Variants in PTPRU observed in about 807,000 individuals in gnomAD.
PTPRU encodes receptor-type tyrosine-protein phosphatase U.
A neutral mutation model predicts 166.3 loss-of-function variants in PTPRU; 69 were observed. That is an observed-to-expected ratio of 0.41 (90% CI 0.34 to 0.51). PTPRU has a LOEUF of 0.51. Ranked by LOEUF, PTPRU falls within the 20% of genes least tolerant of loss-of-function variation. The pLI is 0.09. For missense variants in PTPRU, 1,657 were observed against 2,013.7 expected, an observed-to-expected ratio of 0.82 and a Z score of 3.39; for synonymous variants, 793 against 814.0, an observed-to-expected ratio of 0.97 and a Z score of 0.44.
rs1687982683 is a variant in PTPRU at position 29,318,027 on chromosome 1, C to T, written c.3687+106C>T. ...GCTGAAGGCTCTGTTGGGGGGACCCCTGCCCATTCTGGGGAACAGGCCTGT... is the reference window on the plus strand; with the variant it reads ...GCTGAAGGCTCTGTTGGGGGGACCCTTGCCCATTCTGGGGAACAGGCCTGT... On this transcript the variant is annotated intron_variant, in intron 25 of 29. Transcript: ENST00000373779. The T allele has an allele frequency of 1.2e-5, 17 of 1,412,010 alleles. No individual in the cohort carries two copies. The East Asian group carries it at 4.2e-4, about 35-fold the overall frequency. 87.5% of individuals were successfully genotyped at this position (1,412,010 alleles called of 1,614,324 possible).
Position 29,310,572 on chromosome 1 carries a change from T to C in PTPRU, c.2821-172T>C, listed in dbSNP as rs559219334. Among the ~76,000 whole-genome samples the C allele has an allele frequency of 2.0e-5, 3 of 152,226 alleles. No homozygotes were observed. In the East Asian group the frequency reaches 5.8e-4, roughly 29 times the overall value. The stretch of plus-strand genomic sequence containing the variant: ...GTCCCAGCTGTACTTCTCCACTTCC[T>C]TGGGGACCTGGGGGGATGCAAAGTC... On this transcript the variant is annotated intron_variant, in intron 18 of 29. Coordinates refer to ENST00000373779, the MANE Select transcript of PTPRU (RefSeq NM_133178.4).
intron 1 of PTPRU, among the ~76,000 whole-genome samples, chr1:29,249,189 C>CA (rs1491180293): frequency 6.6e-6 from 1 of 152,188 alleles, no homozygotes; most frequent in Non-Finnish European, 1.5e-5. Context: ...TGCACACACT[C>CA]ACACGCACAC....
chr1:29,289,777 C>T, intron 14 of PTPRU: 1 of 1,580,234 alleles, frequency 6.3e-7, no homozygotes, highest in Non-Finnish European at 8.7e-7. Context: ...CTGTCCCCGC[C>T]TTCTCTGGTT....
At chr1:29,256,148 G>A (rs1237444892) in intron 2 of PTPRU, among the ~76,000 whole-genome samples, 2 of 152,172 alleles carry the variant, frequency 1.3e-5, no homozygotes, top group Admixed American at 6.5e-5. Context: ...AGAGGGTCAT[G>A]AGATGATGCA....
Position 29,279,364 on chromosome 1 carries a change from C to T in PTPRU, c.1564-92C>T, listed in dbSNP as rs920438071. 34 of 1,405,794 alleles carry T rather than the reference C, an allele frequency of 2.4e-5. No individual in the cohort carries two copies. The highest frequency in any genetic ancestry group is 5.7e-5 in the African/African-American group (4 of 70,418). 87.1% of individuals were successfully genotyped at this position (1,405,794 alleles called of 1,614,324 possible). On this transcript the variant is annotated intron_variant, in intron 9 of 29. Coordinates refer to ENST00000373779, the MANE Select transcript of PTPRU (RefSeq NM_133178.4). This position sits in a 1 kb window ranked among gnomAD's most constrained non-coding sequence, Gnocchi z 5.2. ...CATAGTCTCCTTTGCTTAGCCTTAT[C>T]TCTCACTTCCCTGGGACATGGTGGG...
At chr1:29,267,566 A>G (rs530042151) in intron 7 of PTPRU, among the ~76,000 whole-genome samples, 5 of 152,346 alleles carry the variant, frequency 3.3e-5, no homozygotes, top group African/African-American at 1.2e-4. Flanking sequence ...CTGAGCAGCC[A>G]GCACAAAGGC....
chr1:29,320,086 C>A lies in PTPRU; in HGVS notation c.3688-599C>A, dbSNP rs894337496. The A allele has an allele frequency of 2.0e-5, 3 of 152,330 alleles. No individual in the cohort carries two copies. Among genetic ancestry groups the A allele is most frequent in the Admixed American group, 6.5e-5 (1 of 15,306 alleles). 9.4% of individuals were successfully genotyped at this position (152,330 alleles called of 1,614,324 possible). A position where few individuals can be genotyped will look rare whatever the true frequency, so the allele number is the denominator to read the frequency against. On this transcript the variant is annotated intron_variant, in intron 25 of 29. Coordinates refer to ENST00000373779, the MANE Select transcript of PTPRU (RefSeq NM_133178.4). The surrounding 1 kb of genome is among the most constrained non-coding windows in gnomAD (Gnocchi z 5.2). ...TACAGGGTTCTGGGTGGAGACCATA[C>A]CCTAGAAGCTCTGCTCTCCTGAACC...
rs1017202690 is a variant in PTPRU, at chr1:29,238,097, T to A, written c.73+1380T>A. Among the ~76,000 whole-genome samples the A allele has an allele frequency of 1.3e-5, 2 of 151,790 alleles. No homozygotes were observed. Among genetic ancestry groups the A allele is most frequent in the Non-Finnish European group, 2.9e-5 (2 of 67,898 alleles). ...GAGTGTGAGCGTGAGTGTGAGCGTG[T>A]GGCTCCGCGCTTGTCTGCTGTGTGG... On this transcript the variant is annotated intron_variant, in intron 1 of 29. Transcript: ENST00000373779. The surrounding 1 kb of genome is among the most constrained non-coding windows in gnomAD (Gnocchi z 6.1).
Position 29,317,021 on chromosome 1 carries a change from C to T in PTPRU, c.3514-727C>T, listed in dbSNP as rs552408456. Among the ~76,000 whole-genome samples the T allele has an allele frequency of 3.6e-3, 555 of 152,232 alleles. No homozygotes were observed. Among genetic ancestry groups the T allele is most frequent in the Non-Finnish European group, 6.9e-3 (467 of 68,016 alleles). On this transcript the variant is annotated intron_variant, in intron 24 of 29. Coordinates refer to ENST00000373779, the MANE Select transcript of PTPRU (RefSeq NM_133178.4). The surrounding 1 kb of genome is among the most constrained non-coding windows in gnomAD (Gnocchi z 5.6). ...CCTGCAGTGGCTCAGCAGGATGGCA[C>T]GTGCTGGGGACCTGGCACTTCTCAC... is the stretch of plus-strand genomic sequence containing the variant.
intron 7 of PTPRU, among the ~76,000 whole-genome samples, chr1:29,262,529 A>G (rs771098658): frequency 1.1e-4 from 16 of 152,184 alleles, no homozygotes; most frequent in Non-Finnish European, 1.8e-4. Flanking sequence ...TGGTGTTGTA[A>G]TTGTTCTATT....
Position 29,258,576 on chromosome 1 carries a change from A to T in PTPRU, c.277A>T (p.Ser93Cys). The T allele has an allele frequency of 3.1e-6, 5 of 1,614,250 alleles. No individual in the cohort carries two copies. Among genetic ancestry groups the T allele is most frequent in the Non-Finnish European group, 3.4e-6 (4 of 1,180,042 alleles). Residue 93 changes from serine (S) to cysteine (C), a missense_variant, in exon 3 of 30, where the codon AGC becomes TGC. Coordinates refer to ENST00000373779, the MANE Select transcript of PTPRU (RefSeq NM_133178.4). Reference sequence around the variant, plus strand: ...AGCCCATGTCATCTTCCAGAGCCTGAGCGAGAATGATACCCACTGTGTGCA... The same window carrying T: ...AGCCCATGTCATCTTCCAGAGCCTGTGCGAGAATGATACCCACTGTGTGCA... ...QRAHVIFQSL[S>C]ENDTHCVQFS...
chr1:29,249,466 A>T (rs1038296831), intron 1 of PTPRU, among the ~76,000 whole-genome samples: 2 of 152,214 alleles, frequency 1.3e-5, no homozygotes, highest in African/African-American at 4.8e-5. Context: ...GGTTGATTCA[A>T]TTCACCCTCT....
intron 7 of PTPRU, among the ~76,000 whole-genome samples, chr1:29,274,607 T>C (rs1685712750): frequency 6.6e-6 from 1 of 152,236 alleles, no homozygotes; most frequent in Non-Finnish European, 1.5e-5. Flanking sequence ...CCCTGATTTC[T>C]GTATGTTATT....
At chr1:29,242,046 C>A (rs376301441) in intron 1 of PTPRU, among the ~76,000 whole-genome samples, 2 of 152,002 alleles carry the variant, frequency 1.3e-5, no homozygotes, top group African/African-American at 4.8e-5. Flanking sequence ...CACCCGCCAC[C>A]ATGCCTGGCT....
intron 7 of PTPRU, among the ~76,000 whole-genome samples, chr1:29,262,813 A>G (rs1685127567): frequency 6.6e-6 from 1 of 152,014 alleles, no homozygotes; most frequent in Admixed American, 6.6e-5. Context: ...TCAGAAGGAA[A>G]TTTTGTACTC....
At chr1:29,248,633 T>G (rs1045337516) in intron 1 of PTPRU, among the ~76,000 whole-genome samples, 2 of 152,256 alleles carry the variant, frequency 1.3e-5, no homozygotes, top group African/African-American at 4.8e-5. Flanking sequence ...CAGAAAATAC[T>G]GGTTGCAGCT....
Position 29,279,737 on chromosome 1 carries a change from G to A in PTPRU, c.1765+80G>A. On this transcript the variant is annotated intron_variant, in intron 10 of 29. Transcript: ENST00000373779. The surrounding 1 kb of genome is among the most constrained non-coding windows in gnomAD (Gnocchi z 5.2). ...GTTCCATGGGCAGAAGGGAAATGGG[G>A]GGCATCCTGGGGGTAGTTACAGAGG... is the stretch of plus-strand genomic sequence containing the variant. The A allele has an allele frequency of 6.7e-7, 1 of 1,488,926 alleles. No homozygotes were observed. 92.2% of individuals were successfully genotyped at this position (1,488,926 alleles called of 1,614,324 possible).
chr1:29,299,723 G>A (rs1286238297), intron 15 of PTPRU, among the ~76,000 whole-genome samples: 1 of 152,178 alleles, frequency 6.6e-6, no homozygotes, highest in Non-Finnish European at 1.5e-5. Flanking sequence ...TGCCAGGAGA[G>A]CTCTCTGTGG....
chr1:29,259,109 CA>C (rs1226201783), intron 3 of PTPRU, 151 bp from the exon 4 acceptor site: 4 of 907,754 alleles, frequency 4.4e-6, no homozygotes, highest in African/African-American at 1.7e-5. Context: ...ACCCCACCCC[CA>C]ACTAGCTGGC....
Sources: allele counts gnomAD v4.1 joint callset (sites outside exome capture counted in the v4.1 genomes callset), GRCh38; gene constraint gnomAD v4.1.1; non-coding constraint Gnocchi (gnomAD v3.1); transcripts MANE v1.5; gene names NCBI Gene and HGNC (gene_info 2026-07-23, HGNC 2026-07-21).